The following TNR variants were observed in gnomAD, a reference collection of about 807,000 sequenced individuals.
The protein encoded by TNR is tenascin-R.
A neutral mutation model predicts 150.4 loss-of-function variants in TNR; 45 were observed. That is an observed-to-expected ratio of 0.30 (90% CI 0.24 to 0.38). The LOEUF (loss-of-function observed/expected upper bound fraction) is 0.38, where lower values mean the gene tolerates loss of function less well. TNR is among the 10% of genes least tolerant of loss of function. TNR has a pLI of 1.00. For synonymous variants in TNR, 687 were observed against 678.4 expected (o/e 1.01, Z -0.20); for missense variants, 1,544 against 1,759.1 (o/e 0.88, Z 2.19).
chr1:175,676,247 G>C (rs1321929319), intron 1 of TNR, among the ~76,000 whole-genome samples: 2 of 152,164 alleles, frequency 1.3e-5, no homozygotes, highest in Non-Finnish European at 2.9e-5. Flanking sequence ...AGGCAAACCT[G>C]AGAGGCAGGT....
intron 18 of TNR, among the ~76,000 whole-genome samples, chr1:175,351,832 T>C (rs775237671): frequency 7.9e-5 from 12 of 152,186 alleles, no homozygotes; most frequent in Non-Finnish European, 1.5e-4. Flanking sequence ...AAACTCTACA[T>C]GGAACAGCTC....
intron 1 of TNR, among the ~76,000 whole-genome samples, chr1:175,742,105 G>A (rs1478767265): frequency 6.6e-6 from 1 of 152,208 alleles, no homozygotes; most frequent in Admixed American, 6.5e-5. Flanking sequence ...TGGGGCAGGG[G>A]CAGGCCTATA....
At chr1:175,393,959 G>T in intron 5 of TNR, 64 bp from the exon 6 acceptor site, 1 of 1,315,624 alleles carries the variant, frequency 7.6e-7, no homozygotes, top group Non-Finnish European at 1.1e-6. Flanking sequence ...GCATTGCCTG[G>T]TGCTTTGTCT....
At chr1:175,596,405 CTTGT>C (rs1464633702) in intron 1 of TNR, among the ~76,000 whole-genome samples, 3 of 152,138 alleles carry the variant, frequency 2.0e-5, no homozygotes, top group Non-Finnish European at 4.4e-5. Context: ...CTACTTCCCT[CTTGT>C]TTGTGGCCTA....
chr1:175,452,098 T>C (rs1255580284), intron 2 of TNR, among the ~76,000 whole-genome samples: 7 of 152,200 alleles, frequency 4.6e-5, no homozygotes, highest in Non-Finnish European at 7.4e-5. Flanking sequence ...GAGAATGTAA[T>C]GGGGACCAGC....
intron 1 of TNR, among the ~76,000 whole-genome samples, chr1:175,622,314 C>A (rs1243758225): frequency 5.3e-5 from 8 of 152,188 alleles, no homozygotes. Flanking sequence ...AGGTACATGG[C>A]AGAGCTGGGG....
At chr1:175,660,688 G>A (rs1489689376) in intron 1 of TNR, among the ~76,000 whole-genome samples, 1 of 152,210 alleles carries the variant, frequency 6.6e-6, no homozygotes, top group East Asian at 1.9e-4. Flanking sequence ...AGAAGTTGGT[G>A]AGAAGGGACC....
chr1:175,725,184 G>A (rs1292465355), intron 1 of TNR, among the ~76,000 whole-genome samples: 2 of 152,190 alleles, frequency 1.3e-5, no homozygotes, highest in East Asian at 3.9e-4. Context: ...CACCATGTGA[G>A]GATGCAATGA....
At chr1:175,608,839 A>T (rs1663502377) in intron 1 of TNR, among the ~76,000 whole-genome samples, 1 of 152,228 alleles carries the variant, frequency 6.6e-6, no homozygotes. Context: ...TGGGAGTATC[A>T]AAAATTAGAA....
At chr1:175,575,970 T>C (rs1662093196) in intron 1 of TNR, among the ~76,000 whole-genome samples, 1 of 152,224 alleles carries the variant, frequency 6.6e-6, no homozygotes, top group Non-Finnish European at 1.5e-5. Flanking sequence ...TGCTAGGGGC[T>C]GCGATTCGAG....
intron 2 of TNR, among the ~76,000 whole-genome samples, chr1:175,455,882 C>A (rs540723073): frequency 1.4e-4 from 21 of 152,162 alleles, no homozygotes; most frequent in Non-Finnish European, 2.5e-4. Context: ...TACTGGTGAC[C>A]TGCATATGGA....
At chr1:175,370,477 C>A (rs1185791718) in intron 9 of TNR, among the ~76,000 whole-genome samples, 2 of 148,682 alleles carry the variant, frequency 1.3e-5, no homozygotes, top group African/African-American at 5.0e-5. Flanking sequence ...AGCCTGTTGG[C>A]TCTGTTGGAA....
chr1:175,718,883 G>A (rs921714289), intron 1 of TNR, among the ~76,000 whole-genome samples: 1 of 152,190 alleles, frequency 6.6e-6, no homozygotes, highest in Non-Finnish European at 1.5e-5. Flanking sequence ...CTTAGACTCT[G>A]TTGGTGCTGG....
At chr1:175,533,847 T>C (rs1414488687) in intron 1 of TNR, among the ~76,000 whole-genome samples, 2 of 152,118 alleles carry the variant, frequency 1.3e-5, no homozygotes, top group Non-Finnish European at 2.9e-5. Context: ...GATCTTTAAC[T>C]AGGCATAGAG....
chr1:175,484,088 A>C (rs1657913700), intron 2 of TNR, among the ~76,000 whole-genome samples: 1 of 152,240 alleles, frequency 6.6e-6, no homozygotes, highest in Non-Finnish European at 1.5e-5. Flanking sequence ...TGTGCAGTGC[A>C]CACAGAAGGT....
intron 1 of TNR, among the ~76,000 whole-genome samples, chr1:175,667,054 C>T (rs1260206919): frequency 6.6e-6 from 1 of 152,214 alleles, no homozygotes; most frequent in Non-Finnish European, 1.5e-5. Flanking sequence ...TACCCAGCCA[C>T]TCCCCTCTTT....
chr1:175,694,674 T>C (rs1189736503), intron 1 of TNR, among the ~76,000 whole-genome samples: 4 of 152,220 alleles, frequency 2.6e-5, no homozygotes, highest in Non-Finnish European at 4.4e-5. Context: ...AGATAGGGAC[T>C]TTAATGAGAC....
At chr1:175,426,338 C>T (rs1429775627) in intron 2 of TNR, among the ~76,000 whole-genome samples, 3 of 152,152 alleles carry the variant, frequency 2.0e-5, no homozygotes, top group Non-Finnish European at 4.4e-5. Flanking sequence ...GCTGCGTTTG[C>T]TCCCCTGCCT....
At chr1:175,648,067 C>A (rs1477251458) in intron 1 of TNR, among the ~76,000 whole-genome samples, 5 of 152,106 alleles carry the variant, frequency 3.3e-5, no homozygotes, top group Admixed American at 2.0e-4. Context: ...CCACACCCTC[C>A]ACCCATCAGA....
Sources: allele counts gnomAD v4.1 joint callset (sites outside exome capture counted in the v4.1 genomes callset), GRCh38; gene constraint gnomAD v4.1.1; transcripts MANE v1.5; gene names NCBI Gene and HGNC (gene_info 2026-07-23, HGNC 2026-07-21).